Variants in RBM14 observed in about 807,000 individuals in gnomAD.
RBM14 encodes the protein RNA-binding protein 14.
A neutral mutation model predicts 52.8 loss-of-function variants in RBM14; 5 were observed. The observed-to-expected ratio is 0.09, with a 90% CI of 0.05 to 0.20. The LOEUF (loss-of-function observed/expected upper bound fraction) is 0.20, where lower values mean the gene tolerates loss of function less well. Ranked by LOEUF, RBM14 falls within the 10% of genes least tolerant of loss-of-function variation. RBM14 has a pLI of 1.00. For missense variants in RBM14, 780 were observed against 926.6 expected (o/e 0.84, Z 2.05); for synonymous variants, 411 against 401.8 (o/e 1.02, Z -0.28).
In RBM14 at chr11:66,624,924, G is replaced by T; in HGVS notation, c.1048G>T (p.Ala350Ser). The T allele has an allele frequency of 1.2e-6, 2 of 1,613,768 alleles. No individual in the cohort carries two copies. Among genetic ancestry groups the T allele is most frequent in the Non-Finnish European group, 1.7e-6 (2 of 1,179,946 alleles). ...TGGTAACCAGCCATCCTCTTACGGC[G>T]CCCAGGCTGCCTCTTCCTATGGGGT... Reference protein sequence around the residue: ...SYGNQPSSYGAQAASSYGVRA... With the variant: ...SYGNQPSSYGSQAASSYGVRA... The change falls in exon 2 of 3, where the codon GCC becomes TCC. Residue 350 changes from alanine to serine, a missense_variant. Ala to Ser is a moderately conservative substitution (Grantham distance 99, BLOSUM62 1). Around this residue, in one of 4 missense-constraint regions of RBM14, gnomAD observed 675 missense variants for 697.3 expected, o/e 0.97. Coordinates refer to ENST00000310137, the MANE Select transcript of RBM14 (RefSeq NM_006328.4). This position sits in a 1 kb window ranked among gnomAD's most constrained non-coding sequence, Gnocchi z 4.7.
chr11:66,626,398 A>T, intron 2 of RBM14, 63 bp from the exon 3 acceptor site: 1 of 1,498,514 alleles, frequency 6.7e-7, no homozygotes, highest in Middle Eastern at 1.7e-4. Flanking sequence ...CATCTCCCCA[A>T]TGCCCACCTG....
chr11:66,620,151 T>C (rs1184635915), intron 1 of RBM14, among the ~76,000 whole-genome samples: 1 of 152,222 alleles, frequency 6.6e-6, no homozygotes, highest in Non-Finnish European at 1.5e-5. Context: ...CTTACTGTGA[T>C]GGGGCTTATC....
chr11:66,626,195 C>T (rs1937799109), intron 2 of RBM14, among the ~76,000 whole-genome samples: 1 of 152,242 alleles, frequency 6.6e-6, no homozygotes, highest in African/African-American at 2.4e-5. Context: ...AGATAGTTTG[C>T]TGTGGTGTGG....
Position 66,625,760 on chromosome 11 carries a change from C to T in RBM14, c.1802+82C>T. The stretch of plus-strand genomic sequence containing the variant: ...GTTGGCATGGGAGGGAAACTGGAGG[C>T]ATCGGCCCCTCCCTCGGTCTTCTCT... On this transcript the variant is annotated intron_variant, in intron 2 of 2. Transcript: ENST00000310137. This position sits in a 1 kb window ranked among gnomAD's most constrained non-coding sequence, Gnocchi z 4.2. 1 of 1,086,476 alleles carries T rather than the reference C, an allele frequency of 9.2e-7. No individual in the cohort carries two copies. 67.3% of individuals were successfully genotyped at this position (1,086,476 alleles called of 1,614,324 possible). A position where few individuals can be genotyped will look rare whatever the true frequency, so the allele number is the denominator to read the frequency against.
intron 1 of RBM14, chr11:66,619,585 T>A (rs895389411): frequency 6.6e-6 from 1 of 151,656 alleles, no homozygotes; most frequent in South Asian, 2.1e-4. Flanking sequence ...TTTTTTTTTT[T>A]AGACGGAGTC....
chr11:66,620,185 C>T (rs1859040678), intron 1 of RBM14, among the ~76,000 whole-genome samples: 1 of 152,182 alleles, frequency 6.6e-6, no homozygotes, highest in Non-Finnish European at 1.5e-5. Context: ...GTTGAGTTAG[C>T]TGGGCAACCT....
chr11:66,622,455 A>G (rs1390999884), intron 1 of RBM14, among the ~76,000 whole-genome samples: 2 of 152,180 alleles, frequency 1.3e-5, no homozygotes, highest in East Asian at 1.9e-4. Context: ...GCTGATCTTG[A>G]ACTCCTGATC....
At position 66,624,495 on chromosome 11, in the gene RBM14, C is replaced by T. The variant is rs1195139721; in HGVS notation, c.619C>T (p.Pro207Ser). 4 of 1,613,114 alleles carry T rather than the reference C, an allele frequency of 2.5e-6. No homozygotes were observed. In the African/African-American group the frequency reaches 4.0e-5, roughly 16 times the overall value. ...TGATGGGCAAGCCCGTCAGCCCACA[C>T]CACCCTTCTTTGGTCGCGACCGCAG... Reference protein sequence around the residue: ...GFDGQARQPTPPFFGRDRSPL... With the variant: ...GFDGQARQPTSPFFGRDRSPL... The change falls in exon 2 of 3, where the codon CCA (proline) becomes TCA (serine). Residue 207 changes from proline (P) to serine (S), a missense_variant. By Grantham distance (74) the Pro-to-Ser change is moderately conservative. This residue lies in a region of RBM14 where 675 missense variants were observed against 697.3 expected (regional missense o/e 0.97). Transcript: ENST00000310137. This position sits in a 1 kb window ranked among gnomAD's most constrained non-coding sequence, Gnocchi z 4.7.
chr11:66,624,178 C>A lies in RBM14; in HGVS notation c.338-36C>A. On this transcript the variant is annotated intron_variant, in intron 1 of 2. Coordinates refer to ENST00000310137, the MANE Select transcript of RBM14 (RefSeq NM_006328.4). This position sits in a 1 kb window ranked among gnomAD's most constrained non-coding sequence, Gnocchi z 4.7. ...ACCCATCAGGTAGCATGCCCTGCCC[C>A]CCTAATTGCTAACCCTCTGTCTGCT... 6.5e-7 allele frequency: 1 copy of A among 1,545,948 alleles called. No individual in the cohort carries two copies. Among genetic ancestry groups the A allele is most frequent in the Non-Finnish European group, 8.7e-7 (1 of 1,143,900 alleles).
At chr11:66,618,439 T>C in intron 1 of RBM14, 1 of 716,044 alleles carries the variant, frequency 1.4e-6, no homozygotes, top group Non-Finnish European at 2.6e-6. Flanking sequence ...TAGTGTCCAC[T>C]ACTAGGAACA....
In RBM14 at chr11:66,624,532, G is replaced by A. The variant is rs1394161741; in HGVS notation, c.656G>A (p.Arg219His). The A allele has an allele frequency of 1.2e-5, 19 of 1,613,190 alleles. No individual in the cohort carries two copies. Among genetic ancestry groups the A allele is most frequent in the Non-Finnish European group, 1.4e-5 (16 of 1,179,956 alleles). Residue 219 changes from arginine (R) to histidine (H), a missense_variant, in exon 2 of 3, where the codon CGT becomes CAT. By Grantham distance (29) the Arg-to-His change is conservative. This residue lies in a region of RBM14 where 675 missense variants were observed against 697.3 expected (regional missense o/e 0.97). Coordinates refer to ENST00000310137, the MANE Select transcript of RBM14 (RefSeq NM_006328.4). The surrounding 1 kb of genome is among the most constrained non-coding windows in gnomAD (Gnocchi z 4.7). ...GGTCGCGACCGCAGCCCTCTGCGCC[G>A]TTCACCTCCCCGAGCCTCTTATGTG... The part of the protein sequence containing the change: ...FFGRDRSPLR[R>H]SPPRASYVAP...
intron 1 of RBM14, chr11:66,618,353 T>C: frequency 4.8e-6 from 3 of 621,728 alleles, no homozygotes; most frequent in South Asian, 2.0e-5. Flanking sequence ...CACCAAGATA[T>C]TTCATTTGCT....
chr11:66,619,788 G>A (rs925890860), intron 1 of RBM14, among the ~76,000 whole-genome samples: 3 of 152,052 alleles, frequency 2.0e-5, no homozygotes, highest in Admixed American at 1.3e-4. Flanking sequence ...GGATGGTCTC[G>A]ATCTCCTGAC....
Position 66,616,657 on chromosome 11 carries a change from G to T in RBM14, c.-64G>T. 2 of 1,504,956 alleles carry T rather than the reference G, an allele frequency of 1.3e-6. No homozygotes were observed. The highest frequency in any genetic ancestry group is 1.3e-5 in the South Asian group (1 of 76,202). 93.2% of individuals were successfully genotyped at this position (1,504,956 alleles called of 1,614,324 possible). A position where few individuals can be genotyped will look rare whatever the true frequency, so the allele number is the denominator to read the frequency against. On this transcript the variant is annotated 5_prime_UTR_variant, in exon 1 of 3. Transcript: ENST00000310137. The stretch of plus-strand genomic sequence containing the variant: ...TCCTGAGGAGGACTGCCGGTCGTTC[G>T]GACGTCTTGCCTGTCGCTGGAGGAG...
At chr11:66,622,160 C>A (rs1026601269) in intron 1 of RBM14, among the ~76,000 whole-genome samples, 1 of 152,056 alleles carries the variant, frequency 6.6e-6, no homozygotes, top group Non-Finnish European at 1.5e-5. Context: ...AGGTGATCCA[C>A]CCACCTGGGC....
At chr11:66,617,197 C>T (rs1858878182) in intron 1 of RBM14, 140 bp downstream of exon 1, 2 of 1,438,336 alleles carry the variant, frequency 1.4e-6, no homozygotes, top group African/African-American at 1.4e-5. Context: ...GTGTTGGGGG[C>T]GCGTTGGGTA....
intron 1 of RBM14, chr11:66,619,607 C>G (rs1212021406): frequency 2.6e-5 from 4 of 151,506 alleles, no homozygotes; most frequent in African/African-American, 9.7e-5. Context: ...GGCTCTGTCG[C>G]CCAGGCTGGA....
intron 1 of RBM14, chr11:66,619,399 A>G (rs1251022778): frequency 6.6e-6 from 1 of 152,198 alleles, no homozygotes; most frequent in Non-Finnish European, 1.5e-5. Context: ...ACCACTCCAC[A>G]GCTTCCTCCT....
Position 66,617,060 on chromosome 11 carries a change from A to G in RBM14, c.337+3A>G. The stretch of plus-strand genomic sequence containing the variant: ...CATCGAGTGTGACGTGGTGAAAGGT[A>G]ACGCGGAGGCGCGCTCGGGGGCGGG... On this transcript the variant is annotated splice_donor_region_variant and intron_variant, in intron 1 of 2. Coordinates refer to ENST00000310137, the MANE Select transcript of RBM14 (RefSeq NM_006328.4). The G allele has an allele frequency of 1.3e-6, 2 of 1,572,520 alleles. No individual in the cohort carries two copies. Among genetic ancestry groups the G allele is most frequent in the South Asian group, 1.1e-5 (1 of 87,728 alleles).
Sources: allele counts gnomAD v4.1 joint callset (sites outside exome capture counted in the v4.1 genomes callset), GRCh38; gene constraint gnomAD v4.1.1; regional missense constraint gnomAD v4.1.1; non-coding constraint Gnocchi (gnomAD v3.1); transcripts MANE v1.5; gene names NCBI Gene and HGNC (gene_info 2026-07-23, HGNC 2026-07-21).